The following SAMD4A variants were observed in gnomAD, a reference collection of about 807,000 sequenced individuals.
SAMD4A encodes protein Smaug homolog 1.
A neutral mutation model predicts 81.3 loss-of-function variants in SAMD4A; 33 were observed. The ratio of observed to expected loss-of-function variants is 0.41; its 90% CI spans 0.31 to 0.54. SAMD4A has a LOEUF of 0.54. SAMD4A is among the 20% of genes least tolerant of loss of function. The pLI is 0.37. For synonymous variants in SAMD4A, 389 were observed against 382.1 expected, an observed-to-expected ratio of 1.02 and a Z score of -0.21; for missense variants, 854 against 951.1, an observed-to-expected ratio of 0.90 and a Z score of 1.34.
chr14:54,760,548 G>A, intron 7 of SAMD4A, 54 bp downstream of exon 7: 5 of 1,365,928 alleles, frequency 3.7e-6, no homozygotes, highest in Middle Eastern at 1.9e-4. Flanking sequence ...TAACCAGAGC[G>A]ACAGGCTCCT....
At chr14:54,618,030 T>C (rs2034530672) in intron 2 of SAMD4A, among the ~76,000 whole-genome samples, 1 of 152,236 alleles carries the variant, frequency 6.6e-6, no homozygotes, top group African/African-American at 2.4e-5. Context: ...CCATGTTTTT[T>C]CCCGAAGGAG....
chr14:54,776,545 G>A lies in SAMD4A; in HGVS notation c.2044+5G>A. The A allele has an allele frequency of 1.3e-6, 2 of 1,556,822 alleles. No homozygotes were observed. Among genetic ancestry groups the A allele is most frequent in the Non-Finnish European group, 1.7e-6 (2 of 1,154,514 alleles). On this transcript the variant is annotated splice_donor_5th_base_variant and intron_variant, in intron 11 of 12. Coordinates refer to ENST00000554335, the MANE Select transcript of SAMD4A (RefSeq NM_015589.6). ...TGCTGATGTTCCAGCAGCCAGGTAGGGCCCGGCGCTTCATGTCCCCTTGAC... is the reference window on the plus strand; with the variant it reads ...TGCTGATGTTCCAGCAGCCAGGTAGAGCCCGGCGCTTCATGTCCCCTTGAC...
chr14:54,737,132 A>C lies in SAMD4A; in HGVS notation c.824A>C (p.Asp275Ala). 1.9e-6 allele frequency: 3 copies of C among 1,614,078 alleles called. No individual in the cohort carries two copies. The highest frequency in any genetic ancestry group is 2.5e-6 in the Non-Finnish European group (3 of 1,179,990). ...GGACATGGATGGATGTCTCATGAGG[A>C]CTTACGAGCTAGAGGACCCCAGTGC... The part of the protein sequence containing the change: ...PLGHGWMSHE[D>A]LRARGPQCLP... The change falls in exon 4 of 13, where the codon GAC becomes GCC. Residue 275 changes from aspartate (D) to alanine (A), a missense_variant. Coordinates refer to ENST00000554335, the MANE Select transcript of SAMD4A (RefSeq NM_015589.6).
chr14:54,717,372 T>C lies in SAMD4A; in HGVS notation c.715+14792T>C, dbSNP rs143033713. Among the ~76,000 whole-genome samples, 1,292 of 151,562 alleles carry C rather than the reference T, an allele frequency of 8.5e-3. 27 individuals are homozygous for C. The highest frequency in any genetic ancestry group is 0.029 in the African/African-American group (1,213 of 41,294). ...CAGAAGGATCGCTTGAGCCCAGGAA[T>C]TTGAGCTGCAGTGAGCTATGATTGC... On this transcript the variant is annotated intron_variant, in intron 3 of 12. Coordinates refer to ENST00000554335, the MANE Select transcript of SAMD4A (RefSeq NM_015589.6).
At position 54,764,448 on chromosome 14, in the gene SAMD4A, A is replaced by T. The variant is rs113513855; in HGVS notation, c.1511-7A>T. ...TTTTCTAATTCATCTTTTCTTTTTA[A>T]TTACAGTGTGCACACAGCTCTTGGT... On this transcript the variant is annotated splice_region_variant and splice_polypyrimidine_tract_variant and intron_variant, in intron 7 of 12. Transcript: ENST00000554335. 6 of 1,583,840 alleles carry T rather than the reference A, an allele frequency of 3.8e-6. No homozygotes were observed. In the African/African-American group the frequency reaches 5.4e-5, roughly 14 times the overall value.
Position 54,574,899 on chromosome 14 carries a change from A to G in SAMD4A, c.196+6787A>G, listed in dbSNP as rs373232358. Among the ~76,000 whole-genome samples the G allele has an allele frequency of 1.3e-3, 196 of 152,244 alleles. 1 individual carries two copies. Among genetic ancestry groups the G allele is most frequent in the African/African-American group, 4.6e-3 (192 of 41,544 alleles). ...AAGAGGCCTGGGGAGGTGGAGCTGA[A>G]CTCCTGGGATTGTAGTAGGCTCCCA... On this transcript the variant is annotated intron_variant, in intron 2 of 12. Coordinates refer to ENST00000554335, the MANE Select transcript of SAMD4A (RefSeq NM_015589.6).
chr14:54,706,962 G>C (rs1379769395), intron 3 of SAMD4A, among the ~76,000 whole-genome samples: 5 of 152,174 alleles, frequency 3.3e-5, no homozygotes, highest in African/African-American at 1.2e-4. Context: ...TCTGACAAGT[G>C]CAGAGTCAGC....
intron 2 of SAMD4A, among the ~76,000 whole-genome samples, chr14:54,615,981 T>C (rs1340848557): frequency 4.6e-5 from 7 of 152,182 alleles, no homozygotes; most frequent in African/African-American, 1.2e-4. Context: ...AAAAGTTTGC[T>C]GTATTCCATC....
chr14:54,625,510 G>T (rs1286339529), intron 2 of SAMD4A, among the ~76,000 whole-genome samples: 5 of 152,184 alleles, frequency 3.3e-5, no homozygotes, highest in African/African-American at 1.2e-4. Flanking sequence ...ATTTTGATTT[G>T]TTTGTGAACC....
At chr14:54,749,591 T>C (rs570098260) in intron 5 of SAMD4A, among the ~76,000 whole-genome samples, 1 of 152,296 alleles carries the variant, frequency 6.6e-6, no homozygotes, top group East Asian at 1.9e-4. Flanking sequence ...GCCATAAAAA[T>C]ACAAAGGTTC....
chr14:54,651,204 TTC>T (rs1295557939), intron 2 of SAMD4A, among the ~76,000 whole-genome samples: 1 of 152,198 alleles, frequency 6.6e-6, no homozygotes, highest in African/African-American at 2.4e-5. Flanking sequence ...TTGTAGTGAC[TTC>T]TTTTACTCGA....
chr14:54,774,304 G>A (rs1022737823), intron 9 of SAMD4A, among the ~76,000 whole-genome samples: 5 of 152,230 alleles, frequency 3.3e-5, no homozygotes, highest in South Asian at 2.1e-4. Context: ...AAATAATGTC[G>A]AAGTCCCAGG....
intron 2 of SAMD4A, among the ~76,000 whole-genome samples, chr14:54,669,859 GAAT>G (rs1220719332): frequency 6.6e-6 from 1 of 152,150 alleles, no homozygotes; most frequent in Non-Finnish European, 1.5e-5. Context: ...GGAGTGAATC[GAAT>G]AATATTCCAG....
intron 2 of SAMD4A, among the ~76,000 whole-genome samples, chr14:54,678,770 G>A (rs1030540952): frequency 3.3e-5 from 5 of 152,076 alleles, no homozygotes; most frequent in Non-Finnish European, 5.9e-5. Context: ...GGATGGTCTC[G>A]ATCTCCTGAC....
At chr14:54,781,169 A>T (rs2038990795) in intron 11 of SAMD4A, among the ~76,000 whole-genome samples, 2 of 152,100 alleles carry the variant, frequency 1.3e-5, no homozygotes, top group South Asian at 4.1e-4. Context: ...GATTCTATAG[A>T]TTTTTCCTGG....
chr14:54,736,550 C>T (rs538146727), intron 3 of SAMD4A, among the ~76,000 whole-genome samples: 1 of 152,306 alleles, frequency 6.6e-6, no homozygotes, highest in Admixed American at 6.5e-5. Context: ...GCAAAGATCC[C>T]AAACAATGGC....
chr14:54,637,235 G>A (rs57329386), intron 2 of SAMD4A, among the ~76,000 whole-genome samples: 70,582 of 151,138 alleles, frequency 0.47, 16,844 homozygotes, highest in East Asian at 0.77. Flanking sequence ...CATGGTGGCG[G>A]ACACCTGTAA....
intron 2 of SAMD4A, among the ~76,000 whole-genome samples, chr14:54,685,213 CT>C (rs1214438724): frequency 6.6e-6 from 1 of 151,648 alleles, no homozygotes; most frequent in Non-Finnish European, 1.5e-5. Context: ...ATTTCTAGAA[CT>C]TTATCATCAT....
intron 4 of SAMD4A, among the ~76,000 whole-genome samples, chr14:54,737,935 T>C (rs2037742074): frequency 8.4e-6 from 1 of 119,448 alleles, no homozygotes; most frequent in Admixed American, 8.8e-5. Context: ...AATTCCTCCA[T>C]TGCCTTGTGA....
Sources: gnomAD v4.1 joint callset for allele counts (sites outside exome capture counted in the v4.1 genomes callset) on GRCh38, gnomAD v4.1.1 for gene constraint, MANE v1.5 for transcripts, NCBI Gene and HGNC (gene_info 2026-07-23, HGNC 2026-07-21) for gene names.